EFCAB6: variants seen among roughly 807,000 people sequenced by gnomAD.
EFCAB6 encodes EF-hand calcium binding domain 6, also known as EF-hand calcium-binding domain-containing protein 6.
EFCAB6 carries 156 observed loss-of-function variants against 169.8 expected under a neutral mutation model. That is an observed-to-expected ratio of 0.92 (90% CI 0.81 to 1.05). The LOEUF (loss-of-function observed/expected upper bound fraction) is 1.05. Ranked by LOEUF, EFCAB6 falls within the 50% of genes least tolerant of loss-of-function variation. The pLI is 0.00. For missense variants in EFCAB6, 1,800 were observed against 1,829.1 expected (o/e 0.98, Z 0.29); for synonymous variants, 698 against 676.4 (o/e 1.03, Z -0.50).
intron 20 of EFCAB6, among the ~76,000 whole-genome samples, chr22:43,617,012 G>A (rs528899536): frequency 5.9e-5 from 9 of 152,088 alleles, no homozygotes; most frequent in Non-Finnish European, 1.3e-4. Context: ...CAGCCTTGAT[G>A]CTGCTTGCCC....
chr22:43,543,727 C>T (rs1297020201), intron 27 of EFCAB6, among the ~76,000 whole-genome samples: 6 of 152,126 alleles, frequency 3.9e-5, no homozygotes, highest in African/African-American at 7.2e-5. Context: ...AAGCTTCACC[C>T]GAGGCCCAGG....
chr22:43,601,556 C>T (rs1411764462), intron 22 of EFCAB6, among the ~76,000 whole-genome samples: 3 of 152,158 alleles, frequency 2.0e-5, no homozygotes, highest in African/African-American at 7.2e-5. Context: ...GGTACAGCTC[C>T]CTTTTGCTCT....
chr22:43,621,708 A>T (rs1402297183), intron 20 of EFCAB6, among the ~76,000 whole-genome samples: 2 of 152,154 alleles, frequency 1.3e-5, no homozygotes, highest in African/African-American at 4.8e-5. Context: ...AAATCAATAA[A>T]ATTGAAATCA....
At chr22:43,623,482 T>C (rs996374830) in intron 20 of EFCAB6, among the ~76,000 whole-genome samples, 8 of 152,166 alleles carry the variant, frequency 5.3e-5, no homozygotes, top group African/African-American at 2.4e-5. Flanking sequence ...GTGTCCTCTT[T>C]TCAGCAAAGT....
intron 25 of EFCAB6, among the ~76,000 whole-genome samples, chr22:43,578,571 C>T (rs1029997609): frequency 6.6e-6 from 1 of 152,044 alleles, no homozygotes; most frequent in African/African-American, 2.4e-5. Context: ...AGGCTGGTTC[C>T]AAGCACAATA....
chr22:43,678,200 A>G, intron 12 of EFCAB6, 37 bp from the exon 13 acceptor site: 1 of 1,559,772 alleles, frequency 6.4e-7, no homozygotes, highest in Non-Finnish European at 8.6e-7. Flanking sequence ...ATTTTTGAAA[A>G]AAAAAAAAAA....
intron 23 of EFCAB6, among the ~76,000 whole-genome samples, chr22:43,591,216 G>A (rs527543415): frequency 1.7e-4 from 25 of 149,782 alleles, no homozygotes; most frequent in African/African-American, 2.9e-4. Flanking sequence ...CCAACACTTC[G>A]GGAGGCTGCG....
intron 23 of EFCAB6, 71 bp downstream of exon 23, chr22:43,599,998 T>A: frequency 6.8e-7 from 1 of 1,473,850 alleles, no homozygotes; most frequent in Non-Finnish European, 9.2e-7. Context: ...CATTTTAAAA[T>A]AACTTGTGCT....
chr22:43,668,838 T>A (rs775444913), intron 16 of EFCAB6, 34 bp downstream of exon 16: 7 of 1,537,250 alleles, frequency 4.6e-6, no homozygotes, highest in Non-Finnish European at 6.1e-6. Context: ...GACACTGTGG[T>A]TTTGATATGT....
intron 17 of EFCAB6, among the ~76,000 whole-genome samples, chr22:43,656,484 C>A (rs770899553): frequency 5.3e-5 from 8 of 152,126 alleles, no homozygotes; most frequent in Non-Finnish European, 1.0e-4. Flanking sequence ...AATTGACATG[C>A]TGTTATGGAC....
intron 19 of EFCAB6, among the ~76,000 whole-genome samples, chr22:43,630,459 A>T (rs1368238354): frequency 2.6e-5 from 4 of 152,254 alleles, no homozygotes; most frequent in Admixed American, 2.6e-4. Context: ...TAAAGATAGG[A>T]AAGCAACGAT....
At chr22:43,777,129 A>G (rs1334184217) in intron 3 of EFCAB6, among the ~76,000 whole-genome samples, 4 of 152,188 alleles carry the variant, frequency 2.6e-5, no homozygotes, top group Non-Finnish European at 1.5e-5. Flanking sequence ...TAAAGAAAAT[A>G]GAGAAATCAA....
intron 20 of EFCAB6, among the ~76,000 whole-genome samples, chr22:43,616,332 T>G (rs2053680624): frequency 6.6e-6 from 1 of 152,214 alleles, no homozygotes; most frequent in African/African-American, 2.4e-5. Flanking sequence ...GGGGAACTTC[T>G]CAGTCTCAGC....
At chr22:43,771,065 A>G (rs937267322) in intron 4 of EFCAB6, among the ~76,000 whole-genome samples, 7 of 152,210 alleles carry the variant, frequency 4.6e-5, no homozygotes, top group Non-Finnish European at 1.0e-4. Flanking sequence ...GGGTTGTAGT[A>G]CACAGCAAAT....
At chr22:43,614,752 T>A (rs1165374236) in intron 21 of EFCAB6, among the ~76,000 whole-genome samples, 1 of 152,110 alleles carries the variant, frequency 6.6e-6, no homozygotes, top group East Asian at 1.9e-4. Context: ...TCTATGGAGT[T>A]CACAGCACAG....
intron 10 of EFCAB6, among the ~76,000 whole-genome samples, chr22:43,689,349 G>GCACAAACA (rs375566793): frequency 0.062 from 9,141 of 147,034 alleles, 333 homozygotes; most frequent in African/African-American, 0.089. Context: ...GAGAGCACGT[G>GCACAAACA]CACACACACA....
chr22:43,711,320 T>C (rs1412768934), intron 10 of EFCAB6, among the ~76,000 whole-genome samples, 155 bp downstream of exon 10: 1 of 152,216 alleles, frequency 6.6e-6, no homozygotes, highest in Non-Finnish European at 1.5e-5. Context: ...GGTACATTCA[T>C]GGATTTACTA....
chr22:43,776,739 T>C (rs908573257), intron 3 of EFCAB6, among the ~76,000 whole-genome samples: 1 of 151,968 alleles, frequency 6.6e-6, no homozygotes, highest in East Asian at 1.9e-4. Flanking sequence ...TGGAGAACAG[T>C]GAGAGGTCAG....
intron 20 of EFCAB6, among the ~76,000 whole-genome samples, chr22:43,625,382 T>C (rs2054429648): frequency 6.6e-6 from 1 of 152,178 alleles, no homozygotes; most frequent in South Asian, 2.1e-4. Context: ...GCGCACAGCA[T>C]TTCAGAATTA....
Sources: allele counts gnomAD v4.1 joint callset (sites outside exome capture counted in the v4.1 genomes callset), GRCh38; gene constraint gnomAD v4.1.1; transcripts MANE v1.5; gene names NCBI Gene and HGNC (gene_info 2026-07-23, HGNC 2026-07-21).